ZGPAT: variants seen among roughly 807,000 people sequenced by gnomAD.
The protein encoded by ZGPAT is zinc finger CCCH-type and G-patch domain containing.
Under a neutral mutation model 47.9 loss-of-function variants are expected in ZGPAT, and 39 were observed. That is an observed-to-expected ratio of 0.81 (90% CI 0.63 to 1.06). The LOEUF (loss-of-function observed/expected upper bound fraction) is 1.06, where lower values mean the gene tolerates loss of function less well. Ranked by LOEUF, ZGPAT falls within the 50% of genes least tolerant of loss-of-function variation. ZGPAT has a pLI of 0.00. For synonymous variants in ZGPAT, 348 were observed against 292.9 expected (o/e 1.19, Z -1.92); for missense variants, 717 against 681.4 (o/e 1.05, Z -0.58).
At position 63,735,214 on chromosome 20, in the gene ZGPAT, T is replaced by C. The variant is rs1424942156; in HGVS notation, c.1047T>C (p.Pro349=). 6.4e-7 allele frequency: 1 copy of C among 1,565,118 alleles called. No homozygotes were observed. Among genetic ancestry groups the C allele is most frequent in the Admixed American group, 1.9e-5 (1 of 51,814 alleles). ...AGCCCATCCATGCTGTGGTGTTGCC[T>C]CGAGGGAAGTCGCTGGACCAGTGTG... The part of the protein sequence containing the change: ...RVEPIHAVVL[P]RGKSLDQCVE... Residue 349 remains proline (P), a synonymous_variant, in exon 6 of 7, where the codon CCT becomes CCC. Coordinates refer to ENST00000355969, the MANE Select transcript of ZGPAT (RefSeq NM_181485.3).
chr20:63,723,662 TCTC>T (rs1448426441), intron 2 of ZGPAT, among the ~76,000 whole-genome samples: 1 of 152,188 alleles, frequency 6.6e-6, no homozygotes, highest in Non-Finnish European at 1.5e-5. Context: ...CATCCTCCCT[TCTC>T]CTCTGACATA....
In ZGPAT at chr20:63,734,720, C is replaced by T; in HGVS notation, c.887C>T (p.Ala296Val). Residue 296 changes from alanine (A) to valine (V), a missense_variant, in exon 5 of 7, where the codon GCT (alanine) becomes GTT (valine). Ala to Val is a moderately conservative substitution (Grantham distance 64). Transcript: ENST00000355969. Reference protein sequence around the residue: ...SSYARVVGSDAVDSGTCSSAF... With the variant: ...SSYARVVGSDVVDSGTCSSAF... ...TCTCTTGCAGTGGTGGGGTCAGATG[C>T]TGTGGACTCTGGGACCTGCAGCTCT... is the stretch of plus-strand genomic sequence containing the variant. 1.2e-6 allele frequency: 2 copies of T among 1,614,012 alleles called. No homozygotes were observed. The highest frequency in any genetic ancestry group is 1.7e-6 in the Non-Finnish European group (2 of 1,179,924).
chr20:63,730,616 G>A (rs1470166273), intron 2 of ZGPAT, among the ~76,000 whole-genome samples: 1 of 152,048 alleles, frequency 6.6e-6, no homozygotes, highest in East Asian at 1.9e-4. Context: ...TCCCGAGTAG[G>A]TGGGACTATA....
At chr20:63,710,016 A>G (rs2091647038) in intron 2 of ZGPAT, among the ~76,000 whole-genome samples, 3 of 151,732 alleles carry the variant, frequency 2.0e-5, no homozygotes, top group Admixed American at 6.6e-5. Context: ...GCCCGCCACC[A>G]TGTCTGGCTA....
At chr20:63,713,590 G>A (rs1045111159) in intron 2 of ZGPAT, among the ~76,000 whole-genome samples, 1 of 150,832 alleles carries the variant, frequency 6.6e-6, no homozygotes, top group African/African-American at 2.4e-5. Context: ...AGAAATACAA[G>A]CTGGGCACCG....
At chr20:63,709,991 G>A (rs2091646360) in intron 2 of ZGPAT, among the ~76,000 whole-genome samples, 2 of 151,984 alleles carry the variant, frequency 1.3e-5, no homozygotes, top group Admixed American at 6.6e-5. Flanking sequence ...CTCCCGAGTA[G>A]CTGGGACTAC....
At chr20:63,717,875 T>A (rs2145655131) in intron 2 of ZGPAT, among the ~76,000 whole-genome samples, 1 of 152,224 alleles carries the variant, frequency 6.6e-6, no homozygotes, top group East Asian at 1.9e-4. Context: ...AAACCCCATC[T>A]CTACTAAAAA....
At chr20:63,732,905 CATGT>C (rs1568800697) in intron 2 of ZGPAT, among the ~76,000 whole-genome samples, 1 of 150,972 alleles carries the variant, frequency 6.6e-6, no homozygotes, top group Non-Finnish European at 1.5e-5. Context: ...TGTGTATATG[CATGT>C]GTGTGTATAT....
rs529745268 is a variant in ZGPAT, at chr20:63,734,721, T to C, written c.888T>C (p.Ala296=). 38 of 1,614,012 alleles carry C rather than the reference T, an allele frequency of 2.4e-5. No homozygotes were observed. The African/African-American group carries it at 4.5e-4, about 19-fold the overall frequency. The change falls in exon 5 of 7, where the codon GCT becomes GCC. Residue 296 remains alanine (A), a synonymous_variant. Coordinates refer to ENST00000355969, the MANE Select transcript of ZGPAT (RefSeq NM_181485.3). ...CTCTTGCAGTGGTGGGGTCAGATGC[T>C]GTGGACTCTGGGACCTGCAGCTCTG... ...SSYARVVGSD[A]VDSGTCSSAF... is the part of the protein sequence containing the mutation.
chr20:63,724,782 T>C (rs1449135632), intron 2 of ZGPAT, among the ~76,000 whole-genome samples: 1 of 151,776 alleles, frequency 6.6e-6, no homozygotes, highest in Admixed American at 6.6e-5. Flanking sequence ...AGAGTGATTT[T>C]CCTGCCTCAG....
chr20:63,720,787 A>G (rs2091779802), intron 2 of ZGPAT, among the ~76,000 whole-genome samples: 2 of 152,080 alleles, frequency 1.3e-5, no homozygotes, highest in African/African-American at 2.4e-5. Context: ...AATGGGCCAC[A>G]CTTTCTTGTT....
chr20:63,733,116 G>A, intron 2 of ZGPAT, 103 bp from the exon 3 acceptor site: 8 of 1,481,888 alleles, frequency 5.4e-6, no homozygotes, highest in Non-Finnish European at 7.3e-6. Context: ...GTGTGTGTCT[G>A]TCTCCCTCAG....
chr20:63,715,222 T>C lies in ZGPAT; in HGVS notation c.584+6058T>C, dbSNP rs577909503. On this transcript the variant is annotated intron_variant, in intron 2 of 6. Transcript: ENST00000355969. The stretch of plus-strand genomic sequence containing the variant: ...GCTGGGATTATAGGCATGAGCCACT[T>C]GGCCCTATCTTTTTTCTTTTTCTTT... Among the ~76,000 whole-genome samples, 8 of 150,904 alleles carry C rather than the reference T, an allele frequency of 5.3e-5. No individual in the cohort carries two copies. The South Asian group carries it at 1.7e-3, about 32-fold the overall frequency.
At chr20:63,711,803 G>T (rs2091671560) in intron 2 of ZGPAT, among the ~76,000 whole-genome samples, 1 of 152,090 alleles carries the variant, frequency 6.6e-6, no homozygotes, top group Non-Finnish European at 1.5e-5. Context: ...GGCCAGGCTG[G>T]TCTCGAACTC....
At chr20:63,715,857 G>C (rs1025044558) in intron 2 of ZGPAT, among the ~76,000 whole-genome samples, 10 of 150,138 alleles carry the variant, frequency 6.7e-5, no homozygotes, top group Admixed American at 4.0e-4. Context: ...GAGAGAGAGA[G>C]ATGGACTTTT....
At chr20:63,733,513 T>C in intron 3 of ZGPAT, 74 bp from the exon 4 acceptor site, 1 of 1,612,082 alleles carries the variant, frequency 6.2e-7, no homozygotes, top group Non-Finnish European at 8.5e-7. Flanking sequence ...GCCTTGCTCC[T>C]CATGTCCAGG....
chr20:63,734,534 GGT>G, intron 4 of ZGPAT, 169 bp from the exon 5 acceptor site: 1 of 1,300,984 alleles, frequency 7.7e-7, no homozygotes, highest in Non-Finnish European at 1.1e-6. Context: ...GAGCCCAAGA[GGT>G]GGGGTGTCGT....
At chr20:63,731,775 A>G (rs912205839) in intron 2 of ZGPAT, among the ~76,000 whole-genome samples, 1 of 152,200 alleles carries the variant, frequency 6.6e-6, no homozygotes, top group Non-Finnish European at 1.5e-5. Context: ...TGCAGGTTCC[A>G]TATCCATCAT....
At chr20:63,717,332 C>CTTTTTTTTTTTTT (rs1173734420) in intron 2 of ZGPAT, among the ~76,000 whole-genome samples, 957 of 61,114 alleles carry the variant, frequency 0.016, 19 homozygotes, top group Middle Eastern at 0.024. Context: ...TTTTTCTTTT[C>CTTTTTTTTTTTTT]TTTTTTTTTT....
Sources: gnomAD v4.1 joint callset for allele counts (sites outside exome capture counted in the v4.1 genomes callset) on GRCh38, gnomAD v4.1.1 for gene constraint, MANE v1.5 for transcripts, NCBI Gene and HGNC (gene_info 2026-07-23, HGNC 2026-07-21) for gene names.